ZPBP: variants seen among roughly 807,000 people sequenced by gnomAD.
The protein encoded by ZPBP is zona pellucida-binding protein 1.
A neutral mutation model predicts 44.8 loss-of-function variants in ZPBP; 26 were observed. That is an observed-to-expected ratio of 0.58 (90% CI 0.43 to 0.81). The LOEUF (loss-of-function observed/expected upper bound fraction) is 0.81. Ranked by LOEUF, ZPBP falls within the 30% of genes least tolerant of loss-of-function variation. ZPBP has a pLI of 0.00. For synonymous variants in ZPBP, 174 were observed against 153.2 expected (o/e 1.14, Z -1.00); for missense variants, 409 against 434.0 (o/e 0.94, Z 0.51).
chr7:50,092,845 G>T, intron 1 of ZPBP: 1 of 567,896 alleles, frequency 1.8e-6, no homozygotes. Flanking sequence ...TGTGGGTGAC[G>T]TAGTGATCCA....
chr7:49,985,656 A>T (rs34130281), intron 6 of ZPBP, among the ~76,000 whole-genome samples: 1 of 149,228 alleles, frequency 6.7e-6, no homozygotes, highest in Admixed American at 6.7e-5. Context: ...AAAAAAAAAA[A>T]AAAACCTAAA....
At chr7:49,927,893 G>A (rs1347719208) in intron 1 of ZPBP, among the ~76,000 whole-genome samples, 1 of 152,196 alleles carries the variant, frequency 6.6e-6, no homozygotes, top group Non-Finnish European at 1.5e-5. Context: ...TGGTGGTTTT[G>A]GCAGAAATAC....
chr7:49,937,549 A>G lies in ZPBP; in HGVS notation c.1035T>C (p.Tyr345=). Residue 345 remains tyrosine, a synonymous_variant, in exon 8 of 8, where the codon TAT becomes TAC. Transcript: ENST00000046087. ...TGGCTTATAAGCACGTTTTTGCTCC[A>G]TACACCAGGCTGCTATTGCATTGAA... The part of the protein sequence containing the change: ...HCLQCNSSLV[Y]GAKTCL The G allele has an allele frequency of 6.2e-7, 1 of 1,613,916 alleles. No homozygotes were observed. Among genetic ancestry groups the G allele is most frequent in the African/African-American group, 1.3e-5 (1 of 75,038 alleles).
intron 7 of ZPBP, among the ~76,000 whole-genome samples, chr7:49,980,817 GAACA>G (rs1486699571): frequency 6.6e-6 from 1 of 151,978 alleles, no homozygotes; most frequent in Non-Finnish European, 1.5e-5. Flanking sequence ...GATTTTGTGG[GAACA>G]AACAAACCAT....
At chr7:49,932,817 T>G (rs1475226380), downstream of ZPBP, among the ~76,000 whole-genome samples, 1 of 152,150 alleles carries the variant, frequency 6.6e-6, no homozygotes, top group Non-Finnish European at 1.5e-5. Flanking sequence ...AATTGAATCA[T>G]GGAAGCAGTT....
At chr7:50,066,729 C>T (rs1324679297) in intron 3 of ZPBP, among the ~76,000 whole-genome samples, 1 of 152,152 alleles carries the variant, frequency 6.6e-6, no homozygotes, top group Non-Finnish European at 1.5e-5. Context: ...TTCAGCTGTG[C>T]ATAGACTAGT....
chr7:50,076,152 C>T, intron 3 of ZPBP, among the ~76,000 whole-genome samples: 1 of 151,758 alleles, frequency 6.6e-6, no homozygotes. Flanking sequence ...AGGATAAAAA[C>T]ATGAACGATC....
chr7:49,843,958 A>G, the ZPBP span, among the ~76,000 whole-genome samples: 2 of 152,338 alleles, frequency 1.3e-5, no homozygotes, highest in African/African-American at 4.8e-5. Context: ...GACTCATTCT[A>G]TTACAGGGGC....
chr7:49,984,674 C>T (rs1010105388), intron 6 of ZPBP, among the ~76,000 whole-genome samples: 1 of 152,162 alleles, frequency 6.6e-6, no homozygotes, highest in Non-Finnish European at 1.5e-5. Context: ...CGTTCGCTTG[C>T]TGCTACTCTC....
intron 2 of ZPBP, among the ~76,000 whole-genome samples, chr7:50,088,261 TA>T (rs1406234204): frequency 6.6e-6 from 1 of 152,000 alleles, no homozygotes; most frequent in Non-Finnish European, 1.5e-5. Context: ...CCTTGCACCA[TA>T]TGCAAAAATT....
intron 4 of ZPBP, among the ~76,000 whole-genome samples, chr7:50,047,098 G>C (rs1800409742): frequency 6.6e-6 from 1 of 152,086 alleles, no homozygotes; most frequent in South Asian, 2.1e-4. Context: ...TGAACAATGA[G>C]AACACATGGA....
chr7:50,089,480 A>G (rs1802838241), intron 2 of ZPBP, 149 bp downstream of exon 2: 1 of 633,720 alleles, frequency 1.6e-6, no homozygotes, highest in Non-Finnish European at 2.8e-6. Flanking sequence ...GTCTAACCAT[A>G]TGCAAACAAC....
chr7:50,068,435 T>G (rs940107056), intron 3 of ZPBP, among the ~76,000 whole-genome samples: 4 of 152,084 alleles, frequency 2.6e-5, no homozygotes, highest in Admixed American at 1.3e-4. Context: ...CCAGTGTTTT[T>G]TTTTTTTTTC....
intron 3 of ZPBP, among the ~76,000 whole-genome samples, chr7:50,075,265 C>G (rs1802025792): frequency 6.6e-6 from 1 of 151,646 alleles, no homozygotes; most frequent in African/African-American, 2.4e-5. Flanking sequence ...TGGGATACAG[C>G]AAAATCAGTA....
chr7:50,066,255 CTCTT>C (rs746611506), intron 3 of ZPBP, among the ~76,000 whole-genome samples: 11 of 149,868 alleles, frequency 7.3e-5, no homozygotes, highest in East Asian at 1.9e-4. Context: ...GCTATAAGCT[CTCTT>C]TCTTTTTTTT....
intron 3 of ZPBP, among the ~76,000 whole-genome samples, chr7:50,064,532 C>T (rs866451631): frequency 1.1e-4 from 17 of 152,272 alleles, no homozygotes; most frequent in East Asian, 9.6e-4. Flanking sequence ...GAGACAGCTA[C>T]GCCCAGGGGG....
intron 2 of ZPBP, among the ~76,000 whole-genome samples, chr7:49,854,655 C>T (rs1040317652): frequency 6.6e-6 from 1 of 152,172 alleles, no homozygotes. Context: ...TTCTCCCATT[C>T]TGTAGGTTGC....
chr7:49,938,362 A>G (rs1794702237), intron 7 of ZPBP, among the ~76,000 whole-genome samples: 1 of 152,208 alleles, frequency 6.6e-6, no homozygotes, highest in South Asian at 2.1e-4. Flanking sequence ...TAATGAAATC[A>G]TGAATTTGAT....
At chr7:49,842,421 G>C in the ZPBP span, among the ~76,000 whole-genome samples, 5 of 152,114 alleles carry the variant, frequency 3.3e-5, no homozygotes, top group Non-Finnish European at 7.4e-5. Context: ...AGGTATGATA[G>C]TTTACTGAAG....
Sources: gnomAD v4.1 joint callset for allele counts (sites outside exome capture counted in the v4.1 genomes callset) on GRCh38, gnomAD v4.1.1 for gene constraint, MANE v1.5 for transcripts, NCBI Gene and HGNC (gene_info 2026-07-23, HGNC 2026-07-21) for gene names.